The following TARS2 variants were observed in gnomAD, a reference collection of about 807,000 sequenced individuals.
TARS2 encodes threonyl-tRNA synthetase 2, mitochondrial.
A neutral mutation model predicts 94.4 loss-of-function variants in TARS2; 61 were observed. The observed-to-expected ratio is 0.65, with a 90% confidence interval of 0.53 to 0.80. TARS2 has a LOEUF of 0.80. TARS2 is among the 30% of genes least tolerant of loss of function. The probability of loss-of-function intolerance (pLI) is 0.00; values close to 1 mark genes in which losing one functional copy is unlikely to be tolerated. For missense variants in TARS2, 704 were observed against 902.5 expected (o/e 0.78, Z 2.82); for synonymous variants, 359 against 353.4 (o/e 1.02, Z -0.18).
At chr1:150,494,888 TTAG>T (rs1669584959) in intron 7 of TARS2, among the ~76,000 whole-genome samples, 1 of 150,290 alleles carries the variant, frequency 6.7e-6, no homozygotes, top group Non-Finnish European at 1.5e-5. Flanking sequence ...ATACAAAAAA[TTAG>T]CCAGGTGTGG....
intron 13 of TARS2, among the ~76,000 whole-genome samples, chr1:150,503,619 G>A (rs1457439124): frequency 2.2e-5 from 3 of 136,890 alleles, no homozygotes; most frequent in Non-Finnish European, 4.6e-5. Context: ...GTATATATAT[G>A]TGTGTGTATA....
chr1:150,505,528 A>G lies in TARS2; in HGVS notation c.1894-63A>G, dbSNP rs587628865. The G allele has an allele frequency of 1.3e-5, 18 of 1,418,854 alleles. No homozygotes were observed. The African/African-American group carries it at 2.5e-4, about 20-fold the overall frequency. 87.9% of individuals were successfully genotyped at this position (1,418,854 alleles called of 1,614,324 possible). On this transcript the variant is annotated intron_variant, in intron 16 of 17. Coordinates refer to ENST00000369064, the MANE Select transcript of TARS2 (RefSeq NM_025150.5). ...GGGGGCATTGAGGGAAAAGAGCATC[A>G]GACTGTTCTAGCTCCTTAACTTTCC...
rs12142874 is a variant in TARS2 at position 150,489,325 on chromosome 1, A to G, written c.387+238A>G. The G allele has an allele frequency of 0.093, 48,207 of 517,352 alleles. 2,721 individuals are homozygous for G. The highest frequency in any genetic ancestry group is 0.12 in the Non-Finnish European group (33,935 of 283,356). The allele number at this position is 517,352 out of a possible 1,614,324, so 32.0% of individuals were successfully genotyped here. A position where few individuals can be genotyped will look rare whatever the true frequency, so the allele number is the denominator to read the frequency against. ...AGAGGGAGAGAGATGATATGTTGAAAAAACGAAAGGATAAATATGTAAATT... is the reference window on the plus strand; with the variant it reads ...AGAGGGAGAGAGATGATATGTTGAAGAAACGAAAGGATAAATATGTAAATT... On this transcript the variant is annotated intron_variant, in intron 3 of 17. Coordinates refer to ENST00000369064, the MANE Select transcript of TARS2 (RefSeq NM_025150.5).
intron 3 of TARS2, among the ~76,000 whole-genome samples, chr1:150,490,146 T>G (rs1470924669): frequency 8.6e-6 from 1 of 115,612 alleles, no homozygotes; most frequent in Non-Finnish European, 1.7e-5. Flanking sequence ...TGAGATGGAG[T>G]CTCACTCTGT....
intron 6 of TARS2, 167 bp from the exon 7 acceptor site, chr1:150,492,244 A>C: frequency 3.1e-6 from 2 of 652,116 alleles, no homozygotes; most frequent in Non-Finnish European, 5.2e-6. Context: ...GATTATAGAC[A>C]TGAGCCACCG....
chr1:150,503,681 A>G (rs1670062644), intron 13 of TARS2, among the ~76,000 whole-genome samples: 1 of 149,254 alleles, frequency 6.7e-6, no homozygotes, highest in Non-Finnish European at 1.5e-5. Context: ...GTGTGTATAT[A>G]TGTGTATATA....
chr1:150,488,002 A>T lies in TARS2; in HGVS notation c.211A>T (p.Ile71Phe). The T allele has an allele frequency of 6.2e-7, 1 of 1,614,022 alleles. No homozygotes were observed. Among genetic ancestry groups the T allele is most frequent in the Non-Finnish European group, 8.5e-7 (1 of 1,179,996 alleles). The change falls in exon 2 of 18, where the codon ATT becomes TTT. Residue 71 changes from isoleucine to phenylalanine, a missense_variant. Transcript: ENST00000369064. Reference sequence around the variant, plus strand: ...GATATCACTTCCTGGAGGCCAGAAAATTGATGCTGTGGCATGGAACACAAC... The same window carrying T: ...GATATCACTTCCTGGAGGCCAGAAATTTGATGCTGTGGCATGGAACACAAC... ...IKISLPGGQK[I>F]DAVAWNTTPY...
rs748342686 is a variant in TARS2, at chr1:150,499,312, T to C, written c.1617+19T>C. The C allele has an allele frequency of 5.5e-5, 89 of 1,611,264 alleles. No individual in the cohort carries two copies. The highest frequency in any genetic ancestry group is 7.5e-5 in the Non-Finnish European group (88 of 1,178,460). The stretch of plus-strand genomic sequence containing the variant: ...ACCTAAGGTAAGCTTGGGACCCTGG[T>C]TAGTGTTGTATTTATTTATTTTTTG... On this transcript the variant is annotated intron_variant, in intron 13 of 17. Transcript: ENST00000369064.
intron 7 of TARS2, among the ~76,000 whole-genome samples, chr1:150,494,624 A>G (rs1357343856): frequency 6.6e-6 from 1 of 152,058 alleles, no homozygotes; most frequent in Non-Finnish European, 1.5e-5. Context: ...CTGTAGTCCC[A>G]GCTACTCGGG....
chr1:150,487,979 T>C lies in TARS2; in HGVS notation c.188T>C (p.Ile63Thr). The C allele has an allele frequency of 6.2e-7, 1 of 1,614,066 alleles. No homozygotes were observed. Among genetic ancestry groups the C allele is most frequent in the South Asian group, 1.1e-5 (1 of 91,082 alleles). ...MAQKEPRTIK[I>T]SLPGGQKIDA... ...CAGAAGGAACCCCGGACTATTAAGA[T>C]ATCACTTCCTGGAGGCCAGAAAATT... The change falls in exon 2 of 18, where the codon ATA becomes ACA. Residue 63 changes from isoleucine (I) to threonine (T), a missense_variant. Ile to Thr is a moderately conservative substitution (Grantham distance 89). Transcript: ENST00000369064.
chr1:150,487,481 C>T lies in TARS2; in HGVS notation c.31C>T (p.Arg11Trp), dbSNP rs1669198266. The change falls in exon 1 of 18, where the codon CGG (arginine) becomes TGG (tryptophan). Residue 11 changes from arginine to tryptophan, a missense_variant. Coordinates refer to ENST00000369064, the MANE Select transcript of TARS2 (RefSeq NM_025150.5). MALYQRWRCLRLQGLQACRLH... is the reference protein window; with the variant it reads MALYQRWRCLWLQGLQACRLH... ...CCTGTATCAGAGGTGGCGGTGTCTC[C>T]GGCTCCAAGGTTTACAGGCTTGCAG... 1.2e-6 allele frequency: 2 copies of T among 1,614,210 alleles called. No homozygotes were observed. Among genetic ancestry groups the T allele is most frequent in the Non-Finnish European group, 1.7e-6 (2 of 1,180,048 alleles).
At chr1:150,498,047 C>T (rs12718416) in intron 10 of TARS2, among the ~76,000 whole-genome samples, 27,550 of 148,934 alleles carry the variant, frequency 0.18, 4,295 homozygotes, top group African/African-American at 0.43. Context: ...GAGCCGAGAT[C>T]GCGCCACTGC....
intron 7 of TARS2, 104 bp downstream of exon 7, chr1:150,492,593 T>C: frequency 8.1e-7 from 1 of 1,229,404 alleles, no homozygotes; most frequent in Non-Finnish European, 1.2e-6. Flanking sequence ...AGATGGATCA[T>C]AAAGTCAGGA....
intron 17 of TARS2, 147 bp downstream of exon 17, chr1:150,505,852 T>C: frequency 1.5e-6 from 1 of 676,316 alleles, no homozygotes; most frequent in Non-Finnish European, 2.5e-6. Flanking sequence ...CCTGACTCAT[T>C]TGGGCCCTGT....
At chr1:150,496,992 G>A in intron 9 of TARS2, 84 bp downstream of exon 9, 2 of 1,370,674 alleles carry the variant, frequency 1.5e-6, no homozygotes, top group Admixed American at 1.9e-5. Flanking sequence ...GTTAAAAGAT[G>A]GGGGTTGGGG....
At chr1:150,490,510 T>A in intron 3 of TARS2, 91 bp from the exon 4 acceptor site, 1 of 1,509,412 alleles carries the variant, frequency 6.6e-7, no homozygotes, top group East Asian at 2.4e-5. Flanking sequence ...CCATACCGGC[T>A]TTCCTACCAG....
chr1:150,495,966 C>T (rs1466523715), intron 7 of TARS2, among the ~76,000 whole-genome samples: 3 of 151,976 alleles, frequency 2.0e-5, no homozygotes, highest in African/African-American at 7.3e-5. Context: ...GTGATCCGCC[C>T]GCCTCGGCCT....
chr1:150,489,340 A>G (rs774446981), intron 3 of TARS2: 2 of 464,454 alleles, frequency 4.3e-6, no homozygotes, highest in Non-Finnish European at 8.0e-6. Context: ...GAAAGGATAA[A>G]TATGTAAATT....
intron 13 of TARS2, among the ~76,000 whole-genome samples, chr1:150,502,666 G>A (rs1191283406): frequency 6.6e-6 from 1 of 152,206 alleles, no homozygotes. Context: ...TGGGATTACA[G>A]GAGTGGGCCA....
Sources: allele counts gnomAD v4.1 joint callset (sites outside exome capture counted in the v4.1 genomes callset), GRCh38; gene constraint gnomAD v4.1.1; transcripts MANE v1.5; gene names NCBI Gene and HGNC (gene_info 2026-07-23, HGNC 2026-07-21).